LANCL1: variants seen among roughly 807,000 people sequenced by gnomAD.
LANCL1 encodes LanC like glutathione S-transferase 1.
Under a neutral mutation model 50.6 loss-of-function variants are expected in LANCL1, and 50 were observed. The ratio of observed to expected loss-of-function variants is 0.99; its 90% CI spans 0.79 to 1.25. The LOEUF (loss-of-function observed/expected upper bound fraction) is 1.25. LANCL1 is among the 50% of genes most tolerant of loss of function. LANCL1 has a pLI of 0.00. For missense variants in LANCL1, 532 were observed against 480.7 expected, an observed-to-expected ratio of 1.11 and a Z score of -1.00; for synonymous variants, 188 against 178.6, an observed-to-expected ratio of 1.05 and a Z score of -0.42.
At chr2:210,472,914 T>C (rs1300257728) in intron 2 of LANCL1, among the ~76,000 whole-genome samples, 1 of 152,204 alleles carries the variant, frequency 6.6e-6, no homozygotes, top group Non-Finnish European at 1.5e-5. Context: ...ATAGTTTAGA[T>C]ATGGATTGAA....
chr2:210,440,407 T>C (rs757460122), intron 6 of LANCL1, among the ~76,000 whole-genome samples, 191 bp downstream of exon 6: 3 of 152,210 alleles, frequency 2.0e-5, no homozygotes, highest in Non-Finnish European at 4.4e-5. Flanking sequence ...GGGCCTTTAA[T>C]GTTTATACAC....
chr2:210,448,344 C>G (rs1207870334), intron 4 of LANCL1, among the ~76,000 whole-genome samples: 1 of 152,058 alleles, frequency 6.6e-6, no homozygotes, highest in Non-Finnish European at 1.5e-5. Context: ...TGGCATACAG[C>G]TAAAGCAGCG....
intron 3 of LANCL1, chr2:210,468,232 A>G (rs1399331981): frequency 6.6e-6 from 1 of 152,002 alleles, no homozygotes; most frequent in Non-Finnish European, 1.5e-5. Context: ...CAAAATCCAA[A>G]TCAATCTCCC....
chr2:210,463,885 T>C (rs914840324), intron 3 of LANCL1, among the ~76,000 whole-genome samples: 2 of 152,148 alleles, frequency 1.3e-5, no homozygotes, highest in East Asian at 1.9e-4. Context: ...GCTTGTAAAA[T>C]TGCACTATGA....
At chr2:210,460,792 T>C (rs1003910354) in intron 3 of LANCL1, 7 of 152,170 alleles carry the variant, frequency 4.6e-5, no homozygotes, top group African/African-American at 1.4e-4. Flanking sequence ...ACAGATGATC[T>C]GGGGAGGAAA....
At chr2:210,443,008 A>C (rs1010661706) in intron 4 of LANCL1, among the ~76,000 whole-genome samples, 5 of 152,204 alleles carry the variant, frequency 3.3e-5, no homozygotes, top group African/African-American at 1.2e-4. Context: ...GAGGAACTGC[A>C]GTCTTAGGAG....
Position 210,434,407 on chromosome 2 carries a change from G to C in LANCL1, c.*80C>G, listed in dbSNP as rs1574408820. 9.6e-7 allele frequency: 1 copy of C among 1,044,252 alleles called. No individual in the cohort carries two copies. The highest frequency in any genetic ancestry group is 1.4e-6 in the Non-Finnish European group (1 of 706,064). The allele number at this position is 1,044,252 out of a possible 1,614,324, so 64.7% of individuals were successfully genotyped here. A position where few individuals can be genotyped will look rare whatever the true frequency, so the allele number is the denominator to read the frequency against. On this transcript the variant is annotated 3_prime_UTR_variant, in exon 10 of 10. Coordinates refer to ENST00000450366, the MANE Select transcript of LANCL1 (RefSeq NM_006055.3). ...CACAGTTTGACTCTTTGTTTCCTTGGAAAGCAACGGAAGCACTTAGCTTGG... is the reference window on the plus strand; with the variant it reads ...CACAGTTTGACTCTTTGTTTCCTTGCAAAGCAACGGAAGCACTTAGCTTGG...
intron 3 of LANCL1, chr2:210,469,365 T>C (rs1177845267): frequency 6.6e-6 from 1 of 151,908 alleles, no homozygotes; most frequent in Non-Finnish European, 1.5e-5. Flanking sequence ...TTAGACTGTC[T>C]AAACACTGGC....
At chr2:210,442,766 G>A (rs919489596) in intron 4 of LANCL1, 1 of 152,254 alleles carries the variant, frequency 6.6e-6, no homozygotes, top group African/African-American at 2.4e-5. Flanking sequence ...AAACCCAAAA[G>A]TAGGCACAAG....
At chr2:210,477,524 T>C, upstream of LANCL1, 1 of 1,304,564 alleles carries the variant, frequency 7.7e-7, no homozygotes, top group Non-Finnish European at 9.7e-7. Flanking sequence ...CACTCTCTCC[T>C]TTTCCTTCTC....
chr2:210,437,889 A>G lies in LANCL1; in HGVS notation c.691-17T>C, dbSNP rs1477094013. ...AAGGCTGGGCTAAAAATGAGAAGGA[A>G]ATTATTAGTTCTGCTGAAGCAAATA... On this transcript the variant is annotated splice_polypyrimidine_tract_variant and intron_variant, in intron 6 of 9. Coordinates refer to ENST00000450366, the MANE Select transcript of LANCL1 (RefSeq NM_006055.3). 6.4e-7 allele frequency: 1 copy of G among 1,570,936 alleles called. No homozygotes were observed. The highest frequency in any genetic ancestry group is 8.6e-7 in the Non-Finnish European group (1 of 1,159,442).
Position 210,455,325 on chromosome 2 carries a change from A to AG in LANCL1, c.200-12_200-11insC. Reference sequence around the variant, plus strand: ...AAAGCACAGCAATACCTGAAAAAAAAAAAAGGAAACAATGTAAAGATGAGG... The same window carrying AG: ...AAAGCACAGCAATACCTGAAAAAAAAGAAAAGGAAACAATGTAAAGATGAGG... On this transcript the variant is annotated splice_polypyrimidine_tract_variant and intron_variant, in intron 3 of 9. Transcript: ENST00000450366. The AG allele has an allele frequency of 6.3e-7, 1 of 1,596,340 alleles. No individual in the cohort carries two copies. The highest frequency in any genetic ancestry group is 1.4e-5 in the African/African-American group (1 of 73,776).
At chr2:210,464,459 C>T (rs572240213) in intron 3 of LANCL1, among the ~76,000 whole-genome samples, 10 of 103,786 alleles carry the variant, frequency 9.6e-5, no homozygotes, top group African/African-American at 2.8e-4. Context: ...TACTCGTACA[C>T]AGATTTAAAA....
chr2:210,436,516 G>A (rs900422976), intron 7 of LANCL1, 124 bp from the exon 8 acceptor site: 20 of 881,454 alleles, frequency 2.3e-5, no homozygotes, highest in Non-Finnish European at 8.8e-6. Flanking sequence ...AGGATTTAGT[G>A]ACAGAGGGAT....
intron 4 of LANCL1, among the ~76,000 whole-genome samples, chr2:210,454,569 G>A (rs1441731956): frequency 6.6e-6 from 1 of 152,152 alleles, no homozygotes; most frequent in African/African-American, 2.4e-5. Context: ...AGGGTTCTTA[G>A]AACTCCGAAA....
intron 3 of LANCL1, among the ~76,000 whole-genome samples, chr2:210,462,088 C>T (rs763353834): frequency 8.5e-5 from 13 of 152,110 alleles, no homozygotes; most frequent in African/African-American, 2.7e-4. Flanking sequence ...GGATCAAAAC[C>T]CAGACCAGCT....
chr2:210,447,359 T>G (rs1442100183), intron 4 of LANCL1, among the ~76,000 whole-genome samples: 1 of 152,084 alleles, frequency 6.6e-6, no homozygotes, highest in South Asian at 2.1e-4. Flanking sequence ...AAGGAAGCAC[T>G]CAACATGGAA....
rs554528266 is a variant in LANCL1, at chr2:210,448,393, A to G, written c.407+6714T>C. Among the ~76,000 whole-genome samples, 59 of 152,334 alleles carry G rather than the reference A, an allele frequency of 3.9e-4. 1 individual carries two copies. The highest frequency in any genetic ancestry group is 7.4e-4 in the Non-Finnish European group (50 of 68,024). ...TTATAGCACTAAATGCCCACAAGAG[A>G]AAGAAGGAAAGATCTAAAATCGACA... is the stretch of plus-strand genomic sequence containing the variant. On this transcript the variant is annotated intron_variant, in intron 4 of 9. Transcript: ENST00000450366.
At chr2:210,455,569 C>A (rs938397196) in intron 3 of LANCL1, among the ~76,000 whole-genome samples, 4 of 152,116 alleles carry the variant, frequency 2.6e-5, no homozygotes, top group African/African-American at 9.7e-5. Flanking sequence ...CTCTAAGGCT[C>A]TGGCCAATAA....
Sources: gnomAD v4.1 joint callset for allele counts (sites outside exome capture counted in the v4.1 genomes callset) on GRCh38, gnomAD v4.1.1 for gene constraint, MANE v1.5 for transcripts, NCBI Gene and HGNC (gene_info 2026-07-23, HGNC 2026-07-21) for gene names.